BNC2: variants seen among roughly 807,000 people sequenced by gnomAD.
BNC2 encodes the protein zinc finger protein basonuclin-2.
Under a neutral mutation model 76.3 loss-of-function variants are expected in BNC2, and 20 were observed. The ratio of observed to expected loss-of-function variants is 0.26; its 90% CI spans 0.18 to 0.38. The LOEUF is 0.38. BNC2 is among the 10% of genes least tolerant of loss of function. BNC2 has a pLI of 1.00. For synonymous variants in BNC2, 582 were observed against 514.8 expected (o/e 1.13, Z -1.77); for missense variants, 1,382 against 1,399.8 (o/e 0.99, Z 0.20).
chr9:16,417,531 G>C lies in BNC2; in HGVS notation c.*1458C>G, dbSNP rs1820610707. The C allele has an allele frequency of 2.0e-5, 3 of 152,334 alleles. No individual in the cohort carries two copies. The South Asian group carries it at 6.2e-4, about 32-fold the overall frequency. The allele number at this position is 152,334 out of a possible 1,614,324, so 9.4% of individuals were successfully genotyped here. A position where few individuals can be genotyped will look rare whatever the true frequency, so the allele number is the denominator to read the frequency against. On this transcript the variant is annotated 3_prime_UTR_variant, in exon 7 of 7. Transcript: ENST00000380672. ...TAGCACATGTTTTCAAAGCTTCCAA[G>C]TACTGCTGCTGTTAAATGCCTTTTG...
At chr9:16,786,761 G>C (rs1189989623) in intron 1 of BNC2, among the ~76,000 whole-genome samples, 4 of 152,068 alleles carry the variant, frequency 2.6e-5, no homozygotes, top group Admixed American at 2.6e-4. Context: ...GATACAGGTG[G>C]GGCAGAAAGA....
intron 1 of BNC2, among the ~76,000 whole-genome samples, chr9:16,793,195 A>C (rs1355747295): frequency 6.6e-6 from 1 of 152,204 alleles, no homozygotes; most frequent in Admixed American, 6.5e-5. Context: ...TGCTCCAACA[A>C]TACAATGTTT....
intron 3 of BNC2, among the ~76,000 whole-genome samples, chr9:16,610,446 A>C (rs1199780367): frequency 6.6e-6 from 1 of 152,150 alleles, no homozygotes; most frequent in Non-Finnish European, 1.5e-5. Context: ...CTACAGATAC[A>C]AGTTTGAAGG....
intron 4 of BNC2, among the ~76,000 whole-genome samples, chr9:16,566,816 G>T (rs1819183832): frequency 6.6e-6 from 1 of 152,086 alleles, no homozygotes; most frequent in Non-Finnish European, 1.5e-5. Context: ...ATAAAGACAG[G>T]ATTATTTTTC....
chr9:16,458,567 A>G (rs1821505158), intron 5 of BNC2, among the ~76,000 whole-genome samples: 1 of 152,230 alleles, frequency 6.6e-6, no homozygotes, highest in Non-Finnish European at 1.5e-5. Context: ...ATTTAGGGAG[A>G]GGAAAACAAT....
chr9:16,460,881 G>T (rs1821564859), intron 5 of BNC2, among the ~76,000 whole-genome samples: 1 of 151,972 alleles, frequency 6.6e-6, no homozygotes, highest in African/African-American at 2.4e-5. Context: ...ATAAATGGTT[G>T]TTCATACAGA....
At chr9:16,564,856 G>C (rs569771076) in intron 4 of BNC2, among the ~76,000 whole-genome samples, 1 of 152,084 alleles carries the variant, frequency 6.6e-6, no homozygotes, top group East Asian at 1.9e-4. Context: ...TATAGTTGAG[G>C]TCATACTGTA....
intron 5 of BNC2, among the ~76,000 whole-genome samples, chr9:16,478,059 C>A (rs7024458): frequency 0.093 from 14,102 of 152,224 alleles, 783 homozygotes; most frequent in African/African-American, 0.15. Context: ...CTGTATCTGG[C>A]TCATCACAGT....
At chr9:16,543,702 G>C (rs1005388859) in intron 5 of BNC2, among the ~76,000 whole-genome samples, 4 of 152,132 alleles carry the variant, frequency 2.6e-5, no homozygotes, top group Non-Finnish European at 5.9e-5. Flanking sequence ...TATTTTCATT[G>C]CCGTTCAAAT....
At chr9:16,849,145 G>A (rs1428380732) in intron 1 of BNC2, among the ~76,000 whole-genome samples, 1 of 151,948 alleles carries the variant, frequency 6.6e-6, no homozygotes, top group African/African-American at 2.4e-5. Flanking sequence ...GAGCCCCAGG[G>A]AGGAATGAAG....
intron 1 of BNC2, among the ~76,000 whole-genome samples, chr9:16,810,486 G>C (rs930748143): frequency 6.6e-6 from 1 of 152,230 alleles, no homozygotes; most frequent in Non-Finnish European, 1.5e-5. Flanking sequence ...CAATGAGTCT[G>C]TGAAACCAGA....
intron 3 of BNC2, among the ~76,000 whole-genome samples, chr9:16,708,938 T>A (rs1182949896): frequency 6.6e-6 from 1 of 152,072 alleles, no homozygotes; most frequent in Admixed American, 6.6e-5. Context: ...TATTTCACAT[T>A]AAGAGGGAAT....
chr9:16,807,379 C>G (rs1817940416), intron 1 of BNC2, among the ~76,000 whole-genome samples: 1 of 152,176 alleles, frequency 6.6e-6, no homozygotes, highest in Admixed American at 6.5e-5. Flanking sequence ...AAATCTTCTT[C>G]TAAATCTTCC....
intron 1 of BNC2, among the ~76,000 whole-genome samples, chr9:16,849,063 G>A (rs1819061854): frequency 6.6e-6 from 1 of 152,062 alleles, no homozygotes; most frequent in Non-Finnish European, 1.5e-5. Context: ...TCAAATACCA[G>A]AGGCTCAACC....
intron 1 of BNC2, among the ~76,000 whole-genome samples, chr9:16,751,277 A>AC (rs1418447754): frequency 6.6e-5 from 10 of 151,852 alleles, no homozygotes; most frequent in Non-Finnish European, 1.2e-4. Context: ...AAAAAAAAAA[A>AC]AACCCTAGTA....
rs185606154 is a variant in BNC2, at chr9:16,511,542, C to G, written c.669+40988G>C. ...TCCCAGGCTCAAGTGATCCTCCTAC[C>G]TCATTCTCCCAAGTAGCTGGGACTA... On this transcript the variant is annotated intron_variant, in intron 5 of 6. Transcript: ENST00000380672. Among the ~76,000 whole-genome samples the G allele has an allele frequency of 2.7e-3, 402 of 151,022 alleles. 2 individuals carry two copies. Among genetic ancestry groups the G allele is most frequent in the Non-Finnish European group, 3.9e-3 (263 of 67,872 alleles).
intron 1 of BNC2, among the ~76,000 whole-genome samples, chr9:16,833,207 G>A (rs1279500838): frequency 1.3e-5 from 2 of 152,076 alleles, no homozygotes; most frequent in Non-Finnish European, 2.9e-5. Context: ...AGTGACAACT[G>A]ACCTATTCAT....
chr9:16,414,934 TTTC>T lies in BNC2; in HGVS notation c.*4052_*4054del. 6.6e-6 allele frequency: 1 copy of T among 151,834 alleles called. No individual in the cohort carries two copies. The highest frequency in any genetic ancestry group is 2.4e-5 in the African/African-American group (1 of 41,254). The allele number at this position is 151,834 out of a possible 1,614,324, so 9.4% of individuals were successfully genotyped here. A position where few individuals can be genotyped will look rare whatever the true frequency, so the allele number is the denominator to read the frequency against. On this transcript the variant is annotated 3_prime_UTR_variant, in exon 7 of 7. Transcript: ENST00000380672. ...ATATTCAAAGTTTTTTTTTTTTTTT[TTTC>T]CTTAGAGCAATGTATAATAATGGGG...
chr9:16,509,432 A>G (rs899678383), intron 5 of BNC2, among the ~76,000 whole-genome samples: 12 of 152,232 alleles, frequency 7.9e-5, no homozygotes, highest in African/African-American at 2.7e-4. Context: ...CCTTGCACAC[A>G]TAAGTTACTC....
Sources: allele counts gnomAD v4.1 joint callset (sites outside exome capture counted in the v4.1 genomes callset), GRCh38; gene constraint gnomAD v4.1.1; transcripts MANE v1.5; gene names NCBI Gene and HGNC (gene_info 2026-07-23, HGNC 2026-07-21).